Variants in ZCCHC24 observed in about 807,000 individuals in gnomAD.
The protein encoded by ZCCHC24 is zinc finger CCHC-type containing 24, also known as zinc finger CCHC domain-containing protein 24.
Under a neutral mutation model 26.2 loss-of-function variants are expected in ZCCHC24, and 10 were observed. That is an observed-to-expected ratio of 0.38 (90% CI 0.24 to 0.65). The LOEUF is 0.65. ZCCHC24 is among the 30% of genes least tolerant of loss of function. ZCCHC24 has a pLI of 0.54. For synonymous variants in ZCCHC24, 144 were observed against 147.1 expected (o/e 0.98, Z 0.15); for missense variants, 243 against 329.1 (o/e 0.74, Z 2.03).
Position 79,445,609 on chromosome 10 carries a change from C to T in ZCCHC24, c.-169G>A. ...CTGCCCGCAGCCGCTGCCGCTGCCGCCGCCTCCCCCCGACTGCGGCCCCGG... is the reference window on the plus strand; with the variant it reads ...CTGCCCGCAGCCGCTGCCGCTGCCGTCGCCTCCCCCCGACTGCGGCCCCGG... On this transcript the variant is annotated 5_prime_UTR_variant, in exon 1 of 4. Transcript: ENST00000372336. The T allele has an allele frequency of 2.3e-6, 1 of 435,258 alleles. No homozygotes were observed. The highest frequency in any genetic ancestry group is 3.1e-6 in the Non-Finnish European group (1 of 325,388). The allele number at this position is 435,258 out of a possible 1,614,324, so 27.0% of individuals were successfully genotyped here.
rs768679641 is a variant in ZCCHC24, at chr10:79,386,444, C to T, written c.627G>A (p.Lys209=). 1 of 1,600,640 alleles carries T rather than the reference C, an allele frequency of 6.2e-7. No individual in the cohort carries two copies. Among genetic ancestry groups the T allele is most frequent in the African/African-American group, 1.3e-5 (1 of 74,688 alleles). Residue 209 remains lysine, a synonymous_variant, in exon 4 of 4, where the codon AAG becomes AAA. Coordinates refer to ENST00000372336, the MANE Select transcript of ZCCHC24 (RefSeq NM_153367.4). The part of the protein sequence containing the change: ...VYPHKQRPLE[K]PDGLDVSDQS... ...GGTCGGACACGTCCAGGCCGTCGGG[C>T]TTCTCCAGGGGTCTCTGCAGAGAGA...
At chr10:79,436,216 C>T (rs960033357) in intron 1 of ZCCHC24, among the ~76,000 whole-genome samples, 1 of 152,208 alleles carries the variant, frequency 6.6e-6, no homozygotes, top group Admixed American at 6.5e-5. Context: ...GCAGCTCTGC[C>T]TTTCTCCCTC....
Position 79,445,288 on chromosome 10 carries a change from CG to C in ZCCHC24, c.152del (p.Pro51ArgfsTer34). The C allele has an allele frequency of 2.7e-6, 4 of 1,483,136 alleles. No individual in the cohort carries two copies. Among genetic ancestry groups the C allele is most frequent in the South Asian group, 1.3e-5 (1 of 77,676 alleles). The allele number at this position is 1,483,136 out of a possible 1,614,324, so 91.9% of individuals were successfully genotyped here. ...GGCGGCCCTTGCCGAAGGCCAGCTC[CG>C]GGGGTGCGGCGCCGGCGGTCGGCTC... is the stretch of plus-strand genomic sequence containing the variant. The part of the protein sequence containing the change: ...RPEPTAGAAP[P>X]ELAFGKGRPE... On this transcript the variant is annotated frameshift_variant, in exon 1 of 4. Coordinates refer to ENST00000372336, the MANE Select transcript of ZCCHC24 (RefSeq NM_153367.4). LOFTEE classifies it high-confidence loss of function.
intron 1 of ZCCHC24, among the ~76,000 whole-genome samples, chr10:79,434,844 T>C (rs1029616443): frequency 6.6e-6 from 1 of 152,208 alleles, no homozygotes; most frequent in African/African-American, 2.4e-5. Context: ...GCTCCAGAAC[T>C]TTTTCATCTT....
In ZCCHC24 at chr10:79,410,670, G is replaced by A. The variant is rs191509356; in HGVS notation, c.448-16230C>T. Among the ~76,000 whole-genome samples the A allele has an allele frequency of 2.3e-4, 35 of 152,188 alleles. No homozygotes were observed. The East Asian group carries it at 6.4e-3, about 28-fold the overall frequency. ...CAGGAGTATGGGAAGCCAGGGAAGC[G>A]CTGAAAATGCGAAAGTCTGCCTGGC... On this transcript the variant is annotated intron_variant, in intron 2 of 3. Transcript: ENST00000372336.
intron 1 of ZCCHC24, among the ~76,000 whole-genome samples, chr10:79,436,534 C>A (rs1487022218): frequency 6.6e-6 from 1 of 152,242 alleles, no homozygotes; most frequent in Non-Finnish European, 1.5e-5. Context: ...GCAGCCCCGC[C>A]TGAGTGACCA....
At chr10:79,398,136 T>A (rs1856572278) in intron 2 of ZCCHC24, among the ~76,000 whole-genome samples, 1 of 152,094 alleles carries the variant, frequency 6.6e-6, no homozygotes, top group Non-Finnish European at 1.5e-5. Flanking sequence ...AGCGCACCAT[T>A]CCCACGGCTG....
rs1338867371 is a variant in ZCCHC24 at position 79,384,836 on chromosome 10, GA to G, written c.*1508del. The G allele has an allele frequency of 6.6e-6, 1 of 150,876 alleles. No individual in the cohort carries two copies. Among genetic ancestry groups the G allele is most frequent in the Admixed American group, 6.6e-5 (1 of 15,098 alleles). The allele number at this position is 150,876 out of a possible 1,614,324, so 9.3% of individuals were successfully genotyped here. A position where few individuals can be genotyped will look rare whatever the true frequency, so the allele number is the denominator to read the frequency against. On this transcript the variant is annotated 3_prime_UTR_variant, in exon 4 of 4. Coordinates refer to ENST00000372336, the MANE Select transcript of ZCCHC24 (RefSeq NM_153367.4). ...GGTCTGATTTTTTTTTTTTCCCACA[GA>G]GGCATAATGTAGGGGCAAAATCAAG... is the stretch of plus-strand genomic sequence containing the variant.
chr10:79,384,061 C>G lies in ZCCHC24; in HGVS notation c.*2284G>C, dbSNP rs1589655184. ...CTGACCACAAGAGAGTTCCCCAGTTCAGCCAGAGCCGAGTCAAGGGGAGTA... is the reference window on the plus strand; with the variant it reads ...CTGACCACAAGAGAGTTCCCCAGTTGAGCCAGAGCCGAGTCAAGGGGAGTA... On this transcript the variant is annotated 3_prime_UTR_variant, in exon 4 of 4. Transcript: ENST00000372336. 1 of 152,702 alleles carries G rather than the reference C, an allele frequency of 6.5e-6. No individual in the cohort carries two copies. The highest frequency in any genetic ancestry group is 1.5e-5 in the Non-Finnish European group (1 of 68,058). 9.5% of individuals were successfully genotyped at this position (152,702 alleles called of 1,614,324 possible).
chr10:79,399,119 C>T (rs1156921699), intron 2 of ZCCHC24, among the ~76,000 whole-genome samples: 11 of 152,116 alleles, frequency 7.2e-5, no homozygotes, highest in South Asian at 2.1e-4. Flanking sequence ...GCGGTGACCT[C>T]GGTAGAGGTG....
rs202062885 is a variant in ZCCHC24 at position 79,432,678 on chromosome 10, G to A, written c.327C>T (p.Thr109=). The change falls in exon 2 of 4, where the codon ACC becomes ACT. Residue 109 remains threonine (T), a synonymous_variant. Transcript: ENST00000372336. ...NNIADGLSSL[T]EHFSDLTLTS... ...TGAGGGTCAGGTCTGAGAAGTGCTC[G>A]GTGAGGGAGCTGAGGCCATCGGCGA... is the stretch of plus-strand genomic sequence containing the variant. 164 of 1,609,178 alleles carry A rather than the reference G, an allele frequency of 1.0e-4. 1 individual carries two copies. In the East Asian group the frequency reaches 3.1e-3, roughly 30 times the overall value.
At chr10:79,435,693 T>C (rs1291151228) in intron 1 of ZCCHC24, among the ~76,000 whole-genome samples, 2 of 152,214 alleles carry the variant, frequency 1.3e-5, no homozygotes, top group Admixed American at 6.5e-5. Context: ...ATGGGGAAAC[T>C]GAGGCCCACA....
chr10:79,400,995 T>C (rs931577895), intron 2 of ZCCHC24, among the ~76,000 whole-genome samples: 1 of 152,236 alleles, frequency 6.6e-6, no homozygotes, highest in Non-Finnish European at 1.5e-5. Context: ...GATCTCCCCA[T>C]CCCTTTTAGA....
intron 2 of ZCCHC24, among the ~76,000 whole-genome samples, chr10:79,422,104 C>G (rs917611693): frequency 1.3e-5 from 2 of 152,170 alleles, no homozygotes; most frequent in African/African-American, 4.8e-5. Context: ...GTGAGGCTAC[C>G]CTGGTGGGAA....
At chr10:79,435,225 AT>A (rs1227299279) in intron 1 of ZCCHC24, among the ~76,000 whole-genome samples, 4 of 138,690 alleles carry the variant, frequency 2.9e-5, no homozygotes, top group East Asian at 4.1e-4. Flanking sequence ...TTTTATTTTT[AT>A]TTTTTTTCCC....
chr10:79,388,070 G>A (rs937533432), intron 3 of ZCCHC24, among the ~76,000 whole-genome samples: 3 of 152,172 alleles, frequency 2.0e-5, no homozygotes, highest in Non-Finnish European at 4.4e-5. Flanking sequence ...CTCGAATGCC[G>A]GCTCTGCTAC....
intron 2 of ZCCHC24, among the ~76,000 whole-genome samples, chr10:79,397,722 C>T (rs1856565583): frequency 6.6e-6 from 1 of 152,164 alleles, no homozygotes; most frequent in African/African-American, 2.4e-5. Flanking sequence ...TCTGGTTCTG[C>T]AGGCCTCTGA....
chr10:79,403,270 T>C (rs539887240), intron 2 of ZCCHC24, among the ~76,000 whole-genome samples: 1 of 152,340 alleles, frequency 6.6e-6, no homozygotes, highest in South Asian at 2.1e-4. Flanking sequence ...CACGGCCTCA[T>C]TGAATCAGCA....
In ZCCHC24 at chr10:79,444,879, G is replaced by T. The variant is rs376246112; in HGVS notation, c.246+316C>A. Among the ~76,000 whole-genome samples the T allele has an allele frequency of 3.7e-4, 56 of 152,320 alleles. 1 individual carries two copies. The East Asian group carries it at 0.01, about 28-fold the overall frequency. ...ACCCCAGCTGTCTGAAGAAAATCCG[G>T]AGACAACCCCTCCTCAACTCCCTCC... is the stretch of plus-strand genomic sequence containing the variant. On this transcript the variant is annotated intron_variant, in intron 1 of 3. Transcript: ENST00000372336.
Sources: gnomAD v4.1 joint callset for allele counts (sites outside exome capture counted in the v4.1 genomes callset) on GRCh38, gnomAD v4.1.1 for gene constraint, MANE v1.5 for transcripts, NCBI Gene and HGNC (gene_info 2026-07-23, HGNC 2026-07-21) for gene names.